Variants in AFG2A observed in about 807,000 individuals in gnomAD.
AFG2A encodes the protein ATPase family gene 2 protein homolog A.
chr4:122,932,297 A>G, the AFG2A span, among the ~76,000 whole-genome samples: 1 of 150,794 alleles, frequency 6.6e-6, no homozygotes. Context: ...AAGTGATTGG[A>G]GAACAAGGTA....
chr4:123,172,865 G>A, the AFG2A span, among the ~76,000 whole-genome samples: 1 of 152,060 alleles, frequency 6.6e-6, no homozygotes, highest in Non-Finnish European at 1.5e-5. Flanking sequence ...CTTAAAATTT[G>A]GGACTCATTA....
the AFG2A span, among the ~76,000 whole-genome samples, chr4:123,023,444 T>G: frequency 3.5e-4 from 54 of 152,146 alleles, 1 homozygote; most frequent in Non-Finnish European, 6.8e-4. Context: ...ATTCCTAAAT[T>G]GAGAGAAAGA....
the AFG2A span, among the ~76,000 whole-genome samples, chr4:123,118,689 C>T: frequency 6.6e-5 from 10 of 151,876 alleles, no homozygotes; most frequent in Non-Finnish European, 1.2e-4. Flanking sequence ...TGGGTAAATA[C>T]ATTTGTAATT....
At chr4:123,073,906 A>G in the AFG2A span, among the ~76,000 whole-genome samples, 1 of 152,116 alleles carries the variant, frequency 6.6e-6, no homozygotes, top group Non-Finnish European at 1.5e-5. Context: ...ACCTGTTTTA[A>G]TATTAGTCAC....
At chr4:122,979,254 C>G in the AFG2A span, 1 of 1,614,102 alleles carries the variant, frequency 6.2e-7, no homozygotes, top group Non-Finnish European at 8.5e-7. Context: ...TGCGGAGAAT[C>G]CTGAAAAAAC....
At chr4:122,994,319 A>G in the AFG2A span, among the ~76,000 whole-genome samples, 1 of 152,162 alleles carries the variant, frequency 6.6e-6, no homozygotes, top group Non-Finnish European at 1.5e-5. Context: ...TGCTGCTTTT[A>G]TCTACTATTA....
chr4:122,949,726 G>A, the AFG2A span, among the ~76,000 whole-genome samples: 2 of 152,194 alleles, frequency 1.3e-5, no homozygotes, highest in African/African-American at 4.8e-5. Flanking sequence ...AAATGGACTG[G>A]CTCCCCTCTG....
chr4:122,947,782 G>T, the AFG2A span, among the ~76,000 whole-genome samples: 6 of 151,938 alleles, frequency 3.9e-5, no homozygotes, highest in African/African-American at 1.5e-4. Flanking sequence ...ACCAACTGTG[G>T]TCTGAAAATA....
chr4:122,950,127 G>A, the AFG2A span, among the ~76,000 whole-genome samples: 1 of 152,216 alleles, frequency 6.6e-6, no homozygotes, highest in African/African-American at 2.4e-5. Context: ...TGATGAGAAT[G>A]TGCATATTTA....
At chr4:123,013,003 G>A in the AFG2A span, among the ~76,000 whole-genome samples, 1 of 152,194 alleles carries the variant, frequency 6.6e-6, no homozygotes, top group African/African-American at 2.4e-5. Flanking sequence ...TGAGCAACAA[G>A]GCTGTTTATT....
chr4:122,928,673 ATTACT>A, the AFG2A span, among the ~76,000 whole-genome samples: 1 of 152,124 alleles, frequency 6.6e-6, no homozygotes, highest in Non-Finnish European at 1.5e-5. Flanking sequence ...TCCAGGCTGG[ATTACT>A]TTACAAGTTA....
At chr4:123,068,111 A>G in the AFG2A span, among the ~76,000 whole-genome samples, 1 of 152,194 alleles carries the variant, frequency 6.6e-6, no homozygotes, top group African/African-American at 2.4e-5. Context: ...TGTGTTGCCT[A>G]TGTCTAGCAG....
chr4:123,242,526 T>G, the AFG2A span, among the ~76,000 whole-genome samples: 1 of 152,210 alleles, frequency 6.6e-6, no homozygotes, highest in Non-Finnish European at 1.5e-5. Flanking sequence ...TACATGGTGC[T>G]GGGAAAACTG....
the AFG2A span, among the ~76,000 whole-genome samples, chr4:122,938,699 T>G: frequency 3.1e-4 from 47 of 152,286 alleles, no homozygotes; most frequent in Non-Finnish European, 6.0e-4. Flanking sequence ...CAAGCGATTC[T>G]CCTGCCTCAG....
the AFG2A span, among the ~76,000 whole-genome samples, chr4:123,232,570 A>G: frequency 6.6e-6 from 1 of 152,048 alleles, no homozygotes; most frequent in Non-Finnish European, 1.5e-5. Flanking sequence ...AGCTGAGAAA[A>G]GTGTGACAAA....
At chr4:122,940,276 C>T in the AFG2A span, among the ~76,000 whole-genome samples, 1 of 152,084 alleles carries the variant, frequency 6.6e-6, no homozygotes, top group Non-Finnish European at 1.5e-5. Context: ...TATTTCTCCA[C>T]ATCCTCTCTA....
At chr4:123,124,667 T>G in the AFG2A span, among the ~76,000 whole-genome samples, 1 of 152,192 alleles carries the variant, frequency 6.6e-6, no homozygotes, top group African/African-American at 2.4e-5. Flanking sequence ...ACCATGTTCT[T>G]ATTGGACCAC....
At chr4:122,992,242 C>T in the AFG2A span, among the ~76,000 whole-genome samples, 2 of 152,146 alleles carry the variant, frequency 1.3e-5, no homozygotes, top group East Asian at 3.8e-4. Context: ...CTTTATTTTC[C>T]TGTAATACAG....
chr4:122,976,016 T>C, the AFG2A span, among the ~76,000 whole-genome samples: 4 of 152,232 alleles, frequency 2.6e-5, no homozygotes, highest in African/African-American at 9.7e-5. Context: ...ATCTTCTTTT[T>C]ATTAATGCTT....
Sources: gnomAD v4.1 joint callset for allele counts (sites outside exome capture counted in the v4.1 genomes callset) on GRCh38, gnomAD v4.1.1 for gene constraint, MANE v1.5 for transcripts, NCBI Gene and HGNC (gene_info 2026-07-23, HGNC 2026-07-21) for gene names.